The following MAP2K1 variants were observed in gnomAD, a reference collection of about 807,000 sequenced individuals.
The protein encoded by MAP2K1 is dual specificity mitogen-activated protein kinase kinase 1.
In MAP2K1, 16 loss-of-function variants were observed where a neutral mutation model predicts 46.3. That is an observed-to-expected ratio of 0.35 (90% CI 0.23 to 0.52). The LOEUF is 0.52. Ranked by LOEUF, MAP2K1 falls within the 20% of genes least tolerant of loss-of-function variation. MAP2K1 has a pLI of 0.94. For missense variants in MAP2K1, 263 were observed against 497.1 expected (o/e 0.53, Z 4.48); for synonymous variants, 183 against 185.6 (o/e 0.99, Z 0.11).
chr15:66,413,782 A>C (rs1429998436), intron 1 of MAP2K1, among the ~76,000 whole-genome samples: 1 of 152,170 alleles, frequency 6.6e-6, no homozygotes, highest in African/African-American at 2.4e-5. Flanking sequence ...AGCACAGGCT[A>C]TGGGAACTCA....
chr15:66,433,633 T>A lies in MAP2K1; in HGVS notation c.81-1394T>A, dbSNP rs185796511. On this transcript the variant is annotated intron_variant, in intron 1 of 10. Coordinates refer to ENST00000307102, the MANE Select transcript of MAP2K1 (RefSeq NM_002755.4). ...CTTCATTTCCCTGTCTTCTAGAGGT[T>A]TGGGATAGAGGGTGTGAAGGAAGAG... 3.3e-5 allele frequency among the ~76,000 whole-genome samples: 5 copies of A among 152,298 alleles called. No homozygotes were observed. The East Asian group carries it at 9.6e-4, about 29-fold the overall frequency.
chr15:66,438,345 C>T (rs1267828629), intron 3 of MAP2K1, among the ~76,000 whole-genome samples: 1 of 152,134 alleles, frequency 6.6e-6, no homozygotes, highest in South Asian at 2.1e-4. Context: ...CCTCGGCCTC[C>T]CAAAGTGCTG....
At chr15:66,420,190 A>G (rs11071891) in intron 1 of MAP2K1, among the ~76,000 whole-genome samples, 149,162 of 152,150 alleles carry the variant, frequency 0.98, 73,187 homozygotes, top group East Asian at 1. Flanking sequence ...GTTGTGGTGA[A>G]CCGAGATCAC....
chr15:66,448,741 C>T (rs987244147), intron 5 of MAP2K1, among the ~76,000 whole-genome samples: 1 of 152,096 alleles, frequency 6.6e-6, no homozygotes, highest in Admixed American at 6.6e-5. Flanking sequence ...CAGTGGCTCA[C>T]GCCTGTAATC....
intron 7 of MAP2K1, among the ~76,000 whole-genome samples, chr15:66,486,466 C>A (rs977611853): frequency 1.2e-4 from 19 of 152,132 alleles, no homozygotes; most frequent in African/African-American, 4.6e-4. Context: ...ATTTTAATAG[C>A]ATTTCATTTG....
At chr15:66,447,033 A>G (rs1436527103) in intron 5 of MAP2K1, among the ~76,000 whole-genome samples, 1 of 152,182 alleles carries the variant, frequency 6.6e-6, no homozygotes, top group Non-Finnish European at 1.5e-5. Context: ...CTTCAGCCAC[A>G]GCACTGCCAA....
At chr15:66,442,834 G>A (rs1038769551) in intron 3 of MAP2K1, among the ~76,000 whole-genome samples, 2 of 152,164 alleles carry the variant, frequency 1.3e-5, no homozygotes, top group African/African-American at 4.8e-5. Flanking sequence ...GGACTCCCAT[G>A]ATCCTATCTT....
At chr15:66,424,890 T>A (rs1471400748) in intron 1 of MAP2K1, among the ~76,000 whole-genome samples, 1 of 144,432 alleles carries the variant, frequency 6.9e-6, no homozygotes, top group Non-Finnish European at 1.5e-5. Context: ...CTCTGCCTCC[T>A]GGGTTCAAGC....
chr15:66,424,161 G>A (rs1053366787), intron 1 of MAP2K1, among the ~76,000 whole-genome samples: 3 of 151,644 alleles, frequency 2.0e-5, no homozygotes, highest in Non-Finnish European at 4.4e-5. Flanking sequence ...GGGTTCAAAT[G>A]ACTCTCCTGT....
chr15:66,434,976 G>T (rs770609134), intron 1 of MAP2K1, 51 bp from the exon 2 acceptor site: 9 of 1,180,586 alleles, frequency 7.6e-6, no homozygotes, highest in Non-Finnish European at 1.1e-5. Flanking sequence ...TACTTCTTTG[G>T]GTTGACTTCT....
chr15:66,420,706 C>CATAT (rs752935675), intron 1 of MAP2K1, among the ~76,000 whole-genome samples: 4,741 of 20,402 alleles, frequency 0.23, 1,390 homozygotes, highest in East Asian at 0.51. Flanking sequence ...TTACTCTTGG[C>CATAT]ATATATATAT....
intron 1 of MAP2K1, among the ~76,000 whole-genome samples, chr15:66,407,450 CT>C (rs2093400349): frequency 6.6e-6 from 1 of 152,152 alleles, no homozygotes; most frequent in African/African-American, 2.4e-5. Context: ...GATCTGAGCT[CT>C]TTTCCTGGTC....
chr15:66,433,747 A>G (rs2093480509), intron 1 of MAP2K1, among the ~76,000 whole-genome samples: 4 of 152,168 alleles, frequency 2.6e-5, no homozygotes, highest in South Asian at 4.1e-4. Flanking sequence ...ATGAAGGCCT[A>G]TCTTGTCACC....
chr15:66,391,239 G>T (rs1003098472), intron 1 of MAP2K1, among the ~76,000 whole-genome samples: 8 of 151,932 alleles, frequency 5.3e-5, no homozygotes, highest in African/African-American at 1.9e-4. Context: ...TTTTCATTGG[G>T]GTGTTCTTAA....
intron 1 of MAP2K1, among the ~76,000 whole-genome samples, chr15:66,398,912 A>G (rs1308356680): frequency 6.6e-6 from 1 of 151,860 alleles, no homozygotes; most frequent in African/African-American, 2.4e-5. Context: ...GGCTGGGATT[A>G]CAGGCACGTG....
intron 5 of MAP2K1, among the ~76,000 whole-genome samples, chr15:66,453,041 A>G (rs1377384631): frequency 2.0e-5 from 3 of 152,232 alleles, no homozygotes; most frequent in African/African-American, 7.2e-5. Flanking sequence ...AGGAGTCAAC[A>G]GTGAAACTGG....
intron 1 of MAP2K1, among the ~76,000 whole-genome samples, chr15:66,398,515 G>A (rs984138199): frequency 2.0e-5 from 3 of 151,938 alleles, no homozygotes; most frequent in African/African-American, 4.8e-5. Context: ...GGTTGGGCAT[G>A]GTGGCTCACA....
At chr15:66,406,522 T>A (rs2093397090) in intron 1 of MAP2K1, among the ~76,000 whole-genome samples, 3 of 152,210 alleles carry the variant, frequency 2.0e-5, no homozygotes, top group African/African-American at 7.2e-5. Flanking sequence ...ATGTTTGATT[T>A]CGGTATAACT....
At chr15:66,477,253 A>AG (rs1892774586) in intron 5 of MAP2K1, among the ~76,000 whole-genome samples, 1 of 152,190 alleles carries the variant, frequency 6.6e-6, no homozygotes, top group Non-Finnish European at 1.5e-5. Flanking sequence ...ATGTGAATAG[A>AG]GATCAGATAC....
Sources: allele counts gnomAD v4.1 joint callset (sites outside exome capture counted in the v4.1 genomes callset), GRCh38; gene constraint gnomAD v4.1.1; transcripts MANE v1.5; gene names NCBI Gene and HGNC (gene_info 2026-07-23, HGNC 2026-07-21).